HTT-AS: variants seen among roughly 807,000 people sequenced by gnomAD.
HTT-AS encodes HTT antisense RNA (head to head).
intron 1 of HTT-AS, among the ~76,000 whole-genome samples, chr4:3,073,949 C>T (rs1011485667): frequency 5.3e-5 from 8 of 152,166 alleles, no homozygotes; most frequent in African/African-American, 1.9e-4. Flanking sequence ...CGCCCCGCTC[C>T]AGGCGTCGGC....
chr4:3,062,498 C>T (rs1057225995), exon 2 of HTT-AS, among the ~76,000 whole-genome samples: 4 of 152,250 alleles, frequency 2.6e-5, no homozygotes, highest in East Asian at 3.9e-4. Flanking sequence ...ATGAGCGCCC[C>T]CAGGTCAAAC....
At chr4:3,049,590 T>C (rs1480264704) in exon 3 of HTT-AS, among the ~76,000 whole-genome samples, 1 of 152,110 alleles carries the variant, frequency 6.6e-6, no homozygotes, top group Non-Finnish European at 1.5e-5. Flanking sequence ...TGGACCCTTC[T>C]CAGTTGTGAG....
chr4:3,054,253 T>C (rs528196546), intron 2 of HTT-AS, among the ~76,000 whole-genome samples: 1 of 151,298 alleles, frequency 6.6e-6, no homozygotes, highest in South Asian at 2.1e-4. Flanking sequence ...TGCCCTAAAG[T>C]AAAATAACTG....
At chr4:3,068,668 T>C (rs1712103046) in intron 1 of HTT-AS, among the ~76,000 whole-genome samples, 1 of 147,864 alleles carries the variant, frequency 6.8e-6, no homozygotes, top group Non-Finnish European at 1.5e-5. Flanking sequence ...TTTTTTTTTT[T>C]TGTCAAGATG....
chr4:3,049,927 C>CAA (rs199759766), intron 2 of HTT-AS, among the ~76,000 whole-genome samples: 2,083 of 148,340 alleles, frequency 0.014, 52 homozygotes, highest in African/African-American at 0.05. Flanking sequence ...CACACACACA[C>CAA]ACACACACAC....
chr4:3,058,373 G>GC (rs1193713929), intron 2 of HTT-AS, among the ~76,000 whole-genome samples: 1 of 151,886 alleles, frequency 6.6e-6, no homozygotes. Context: ...TCTATATGTT[G>GC]CCATGGCATC....
At chr4:3,047,402 A>T (rs554615520), downstream of HTT-AS, among the ~76,000 whole-genome samples, 1 of 152,370 alleles carries the variant, frequency 6.6e-6, no homozygotes, top group East Asian at 1.9e-4. Flanking sequence ...GACTATTATC[A>T]ATCATTAGTT....
chr4:3,053,916 T>C (rs575012252), intron 2 of HTT-AS, among the ~76,000 whole-genome samples: 4 of 152,108 alleles, frequency 2.6e-5, no homozygotes, highest in East Asian at 1.9e-4. Flanking sequence ...TATGCCACCA[T>C]GCCCAGCTAA....
intron 2 of HTT-AS, among the ~76,000 whole-genome samples, chr4:3,061,141 T>C (rs1711918251): frequency 6.6e-6 from 1 of 152,260 alleles, no homozygotes; most frequent in Non-Finnish European, 1.5e-5. Flanking sequence ...TTGGGTATTA[T>C]GCCACTTCAG....
At chr4:3,050,091 G>A (rs377358583) in intron 2 of HTT-AS, among the ~76,000 whole-genome samples, 6 of 152,154 alleles carry the variant, frequency 3.9e-5, no homozygotes, top group African/African-American at 9.6e-5. Flanking sequence ...GATGAGTCAC[G>A]AAATGCAGAA....
At chr4:3,068,086 A>G (rs1346713791) in intron 1 of HTT-AS, among the ~76,000 whole-genome samples, 3 of 152,054 alleles carry the variant, frequency 2.0e-5, no homozygotes, top group Non-Finnish European at 4.4e-5. Flanking sequence ...CGGGTGGATC[A>G]CGAGGTCAGG....
At chr4:3,054,701 A>C (rs967369124) in intron 2 of HTT-AS, among the ~76,000 whole-genome samples, 4 of 151,028 alleles carry the variant, frequency 2.6e-5, no homozygotes, top group African/African-American at 9.8e-5. Context: ...AAAGCACAAC[A>C]GGGTTTTCTT....
At chr4:3,052,177 T>C (rs1560528580) in intron 2 of HTT-AS, among the ~76,000 whole-genome samples, 4 of 152,196 alleles carry the variant, frequency 2.6e-5, no homozygotes, top group Non-Finnish European at 5.9e-5. Flanking sequence ...TTCTAATTGA[T>C]ATTTGGGTAA....
chr4:3,060,987 C>A (rs1197830403), intron 2 of HTT-AS, among the ~76,000 whole-genome samples: 1 of 152,198 alleles, frequency 6.6e-6, no homozygotes, highest in African/African-American at 2.4e-5. Flanking sequence ...CACTGGGGCA[C>A]CCCTCTCTCT....
chr4:3,047,436 T>G (rs1394761732), downstream of HTT-AS, among the ~76,000 whole-genome samples: 1 of 152,230 alleles, frequency 6.6e-6, no homozygotes, highest in Non-Finnish European at 1.5e-5. Context: ...TATTCCAATA[T>G]TATAATAATC....
intron 2 of HTT-AS, among the ~76,000 whole-genome samples, chr4:3,057,565 A>C (rs1432960624): frequency 6.6e-6 from 1 of 152,208 alleles, no homozygotes; most frequent in Non-Finnish European, 1.5e-5. Flanking sequence ...CAAGGAATAG[A>C]GAATGGCTAC....
chr4:3,071,935 A>C (rs562338150), intron 1 of HTT-AS, among the ~76,000 whole-genome samples: 8 of 152,336 alleles, frequency 5.3e-5, no homozygotes, highest in African/African-American at 1.9e-4. Flanking sequence ...CTGTTGTTTA[A>C]GCTGCCCGGT....
At chr4:3,062,054 G>A (rs1056270131) in intron 2 of HTT-AS, among the ~76,000 whole-genome samples, 2 of 148,666 alleles carry the variant, frequency 1.3e-5, no homozygotes, top group African/African-American at 5.0e-5. Context: ...GCAGAAGGAT[G>A]ACTTTGAATG....
At chr4:3,051,031 TG>T (rs1240431634) in intron 2 of HTT-AS, among the ~76,000 whole-genome samples, 2 of 8,356 alleles carry the variant, frequency 2.4e-4, no homozygotes, top group African/African-American at 1.6e-3. Flanking sequence ...CCTTACAATT[TG>T]TGTGTGTGTG....
Sources: allele counts gnomAD v4.1 joint callset (sites outside exome capture counted in the v4.1 genomes callset), GRCh38; gene constraint gnomAD v4.1.1; transcripts MANE v1.5; gene names NCBI Gene and HGNC (gene_info 2026-07-23, HGNC 2026-07-21).